Variants in KIF1C observed in about 807,000 individuals in gnomAD.
The protein encoded by KIF1C is kinesin-like protein KIF1C.
In KIF1C, 61 loss-of-function variants were observed where a neutral mutation model predicts 126.5. That is an observed-to-expected ratio of 0.48 (90% CI 0.39 to 0.60). The LOEUF is 0.60. Among genes scored for constraint, KIF1C ranks in the 20% least tolerant of loss-of-function variants. The pLI, the probability that KIF1C is intolerant of heterozygous loss-of-function variation, is 0.00. For missense variants in KIF1C, 1,315 were observed against 1,489.2 expected, an observed-to-expected ratio of 0.88 and a Z score of 1.93; for synonymous variants, 640 against 580.6, an observed-to-expected ratio of 1.10 and a Z score of -1.47.
chr17:5,014,917 G>C, intron 18 of KIF1C, 80 bp downstream of exon 18: 1 of 1,228,410 alleles, frequency 8.1e-7, no homozygotes, highest in Non-Finnish European at 1.2e-6. Context: ...TCAGAGGTCT[G>C]GGTTGGGCAC....
intron 17 of KIF1C, chr17:5,014,116 G>A (rs758454685): frequency 2.4e-5 from 5 of 206,248 alleles, no homozygotes; most frequent in Non-Finnish European, 4.8e-5. Flanking sequence ...AGGGCATGTG[G>A]CTCCTTGGGC....
At chr17:5,014,872 G>T in intron 18 of KIF1C, 35 bp downstream of exon 18, 1 of 1,509,010 alleles carries the variant, frequency 6.6e-7, no homozygotes, top group Non-Finnish European at 9.0e-7. Flanking sequence ...GCCAGACAGG[G>T]AGAGAGGCCC....
intron 3 of KIF1C, among the ~76,000 whole-genome samples, 190 bp from the exon 4 acceptor site, chr17:5,000,582 G>T (rs1974561126): frequency 6.6e-6 from 1 of 152,136 alleles, no homozygotes; most frequent in Non-Finnish European, 1.5e-5. Flanking sequence ...GCAGCTCAGT[G>T]GGGGCGGGTC....
chr17:5,022,796 C>G lies in KIF1C; in HGVS notation c.2628+87C>G, dbSNP rs1022352411. On this transcript the variant is annotated intron_variant, in intron 22 of 22. Coordinates refer to ENST00000320785, the MANE Select transcript of KIF1C (RefSeq NM_006612.6). The surrounding 1 kb of genome is among the most constrained non-coding windows in gnomAD (Gnocchi z 4.9). ...CCTTCCATCTCAGAGCCTAACCTTC[C>G]CCAAGTCTGGAAAAAATTGCATTGA... 7.2e-7 allele frequency: 1 copy of G among 1,389,684 alleles called. No homozygotes were observed. The highest frequency in any genetic ancestry group is 9.3e-7 in the Non-Finnish European group (1 of 1,075,198). 86.1% of individuals were successfully genotyped at this position (1,389,684 alleles called of 1,614,324 possible). A position where few individuals can be genotyped will look rare whatever the true frequency, so the allele number is the denominator to read the frequency against.
rs73345368 is a variant in KIF1C, at chr17:5,026,685, T to C, written c.*2534T>C. 6,463 of 136,254 alleles carry C rather than the reference T, an allele frequency of 0.047. 437 individuals carry two copies. The highest frequency in any genetic ancestry group is 0.16 in the African/African-American group (5,833 of 35,924). 8.4% of individuals were successfully genotyped at this position (136,254 alleles called of 1,614,324 possible). The stretch of plus-strand genomic sequence containing the variant: ...CCTGAGCCCATGGAGATTGAGGCTG[T>C]GGTGAGCTGTGAAGGCACCACAGCA... On this transcript the variant is annotated 3_prime_UTR_variant, in exon 23 of 23. Coordinates refer to ENST00000320785, the MANE Select transcript of KIF1C (RefSeq NM_006612.6).
chr17:5,000,036 C>T (rs1974540147), intron 2 of KIF1C, 66 bp downstream of exon 2: 2 of 569,370 alleles, frequency 3.5e-6, no homozygotes, highest in South Asian at 2.1e-5. Flanking sequence ...GGCAGAAATA[C>T]CTTTGGGAGT....
At chr17:5,019,111 A>G (rs1262687052) in intron 18 of KIF1C, 1 of 164,636 alleles carries the variant, frequency 6.1e-6, no homozygotes, top group Non-Finnish European at 1.5e-5. Context: ...TTGTTCTCCC[A>G]GCAGCATCCG....
chr17:5,013,792 G>T, intron 17 of KIF1C, 60 bp downstream of exon 17: 2 of 1,355,366 alleles, frequency 1.5e-6, no homozygotes, highest in Non-Finnish European at 2.1e-6. Context: ...GCTGCCAAGG[G>T]TTGTCCACAT....
intron 3 of KIF1C, 44 bp downstream of exon 3, chr17:5,000,396 C>A: frequency 7.5e-7 from 1 of 1,327,572 alleles, no homozygotes; most frequent in Non-Finnish European, 1.1e-6. Flanking sequence ...GCAGGGAAGG[C>A]CGGGCCCACC....
chr17:5,015,671 C>T (rs1384042887), intron 18 of KIF1C, among the ~76,000 whole-genome samples: 1 of 146,322 alleles, frequency 6.8e-6, no homozygotes, highest in African/African-American at 2.5e-5. Flanking sequence ...GATCTTGGCT[C>T]ACTGCAGCCC....
rs1346964951 is a variant in KIF1C at position 5,021,975 on chromosome 17, C to T, written c.2011-117C>T. 6.7e-6 allele frequency: 8 copies of T among 1,198,652 alleles called. No individual in the cohort carries two copies. The East Asian group carries it at 1.4e-4, about 21-fold the overall frequency. The allele number at this position is 1,198,652 out of a possible 1,614,324, so 74.3% of individuals were successfully genotyped here. A position where few individuals can be genotyped will look rare whatever the true frequency, so the allele number is the denominator to read the frequency against. On this transcript the variant is annotated intron_variant, in intron 21 of 22. Coordinates refer to ENST00000320785, the MANE Select transcript of KIF1C (RefSeq NM_006612.6). Reference sequence around the variant, plus strand: ...GGTGCGCTGTTGGGGTGGAGCAGGACTTGAACCCAGGCTCCCTGATGGGCG... The same window carrying T: ...GGTGCGCTGTTGGGGTGGAGCAGGATTTGAACCCAGGCTCCCTGATGGGCG...
chr17:5,022,525 C>T lies in KIF1C; in HGVS notation c.2444C>T (p.Ala815Val). The stretch of plus-strand genomic sequence containing the variant: ...GTAGGCGAGGAGGAAGGAGGTGGAG[C>T]TGGCAGTGGTGGTGGCAGTGAGGAG... Reference protein sequence around the residue: ...DTVGEEEGGGAGSGGGSEEGA... With the variant: ...DTVGEEEGGGVGSGGGSEEGA... The change falls in exon 22 of 23, where the codon GCT becomes GTT. Residue 815 changes from alanine to valine, a missense_variant. By Grantham distance (64) the Ala-to-Val change is moderately conservative (BLOSUM62 0). Coordinates refer to ENST00000320785, the MANE Select transcript of KIF1C (RefSeq NM_006612.6). The surrounding 1 kb of genome is among the most constrained non-coding windows in gnomAD (Gnocchi z 4.9). The T allele has an allele frequency of 6.3e-7, 1 of 1,587,690 alleles. No homozygotes were observed. The highest frequency in any genetic ancestry group is 8.6e-7 in the Non-Finnish European group (1 of 1,166,192).
chr17:5,018,007 G>C (rs1022121316), intron 18 of KIF1C, among the ~76,000 whole-genome samples: 2 of 151,854 alleles, frequency 1.3e-5, no homozygotes, highest in Admixed American at 6.6e-5. Context: ...TTGAGACAGG[G>C]TCTTGCCCTG....
intron 21 of KIF1C, among the ~76,000 whole-genome samples, chr17:5,021,346 T>C (rs551324423): frequency 1.7e-4 from 26 of 152,080 alleles, no homozygotes; most frequent in Non-Finnish European, 3.1e-4. Flanking sequence ...CTAATAATTA[T>C]TGTATTTTTA....
At position 5,024,496 on chromosome 17, in the gene KIF1C, G is replaced by A. The variant is rs1402060446; in HGVS notation, c.*345G>A. The A allele has an allele frequency of 1.6e-5, 4 of 250,680 alleles. No homozygotes were observed. The highest frequency in any genetic ancestry group is 2.3e-5 in the Non-Finnish European group (3 of 130,636). 15.5% of individuals were successfully genotyped at this position (250,680 alleles called of 1,614,324 possible). A position where few individuals can be genotyped will look rare whatever the true frequency, so the allele number is the denominator to read the frequency against. On this transcript the variant is annotated 3_prime_UTR_variant, in exon 23 of 23. Coordinates refer to ENST00000320785, the MANE Select transcript of KIF1C (RefSeq NM_006612.6). Reference sequence around the variant, plus strand: ...CTTTCTTTTCAAGTGGGGGAAAGTGGGAGAGGACTGAGAGTGAGGCAAGTT... The same window carrying A: ...CTTTCTTTTCAAGTGGGGGAAAGTGAGAGAGGACTGAGAGTGAGGCAAGTT...
At position 5,024,450 on chromosome 17, in the gene KIF1C, T is replaced by A; in HGVS notation, c.*299T>A. The A allele has an allele frequency of 3.2e-5, 10 of 308,758 alleles. No homozygotes were observed. Among genetic ancestry groups the A allele is most frequent in the East Asian group, 5.7e-5 (1 of 17,588 alleles). The allele number at this position is 308,758 out of a possible 1,614,324, so 19.1% of individuals were successfully genotyped here. ...CTATGGGTGGGGTGGGGGGCTGGGG[T>A]GCTGCGTAGCCAGTGTTTGACTTTC... On this transcript the variant is annotated 3_prime_UTR_variant, in exon 23 of 23. Coordinates refer to ENST00000320785, the MANE Select transcript of KIF1C (RefSeq NM_006612.6).
chr17:4,999,263 T>C (rs1042486452), intron 1 of KIF1C, among the ~76,000 whole-genome samples: 2 of 152,190 alleles, frequency 1.3e-5, no homozygotes, highest in Non-Finnish European at 2.9e-5. Context: ...GCCTGGTGCA[T>C]GGAGGTTGTG....
chr17:5,007,029 T>A lies in KIF1C; in HGVS notation c.1280T>A (p.Phe427Tyr), dbSNP rs1175011174. 1 of 1,608,948 alleles carries A rather than the reference T, an allele frequency of 6.2e-7. No homozygotes were observed. Among genetic ancestry groups the A allele is most frequent in the Non-Finnish European group, 8.5e-7 (1 of 1,178,522 alleles). The change falls in exon 14 of 23, where the codon TTC becomes TAC. Residue 427 changes from phenylalanine to tyrosine, a missense_variant. Phe to Tyr is a conservative substitution (Grantham distance 22, BLOSUM62 3). This residue lies in a region of KIF1C where 874 missense variants were observed against 1,053.2 expected (regional missense o/e 0.83). Coordinates refer to ENST00000320785, the MANE Select transcript of KIF1C (RefSeq NM_006612.6). ...TTHNGELEPSFSPNTESQIGP... is the reference protein window; with the variant it reads ...TTHNGELEPSYSPNTESQIGP... ...CATAATGGGGAGCTGGAGCCGTCATTCTCCCCCAACACGGAGTCCCAGATT... is the reference window on the plus strand; with the variant it reads ...CATAATGGGGAGCTGGAGCCGTCATACTCCCCCAACACGGAGTCCCAGATT...
chr17:5,020,417 C>T lies in KIF1C; in HGVS notation c.1751-75C>T. 1.4e-6 allele frequency: 2 copies of T among 1,429,682 alleles called. No individual in the cohort carries two copies. Among genetic ancestry groups the T allele is most frequent in the Non-Finnish European group, 1.9e-6 (2 of 1,048,488 alleles). 88.6% of individuals were successfully genotyped at this position (1,429,682 alleles called of 1,614,324 possible). On this transcript the variant is annotated intron_variant, in intron 19 of 22. Coordinates refer to ENST00000320785, the MANE Select transcript of KIF1C (RefSeq NM_006612.6). This position sits in a 1 kb window ranked among gnomAD's most constrained non-coding sequence, Gnocchi z 5.8. ...GGTGTCACAGCCCCTGTGCCAGATT[C>T]TCTATGCCTTGGGTGTAGGGATGGA... is the stretch of plus-strand genomic sequence containing the variant.
Sources: allele counts gnomAD v4.1 joint callset (sites outside exome capture counted in the v4.1 genomes callset), GRCh38; gene constraint gnomAD v4.1.1; regional missense constraint gnomAD v4.1.1; non-coding constraint Gnocchi (gnomAD v3.1); transcripts MANE v1.5; gene names NCBI Gene and HGNC (gene_info 2026-07-23, HGNC 2026-07-21).